The following SNCAIP variants were observed in gnomAD, a reference collection of about 807,000 sequenced individuals.
The protein encoded by SNCAIP is synuclein alpha interacting protein, also known as synphilin-1.
SNCAIP carries 43 observed loss-of-function variants against 86.7 expected under a neutral mutation model. That is an observed-to-expected ratio of 0.50 (90% confidence interval 0.39 to 0.64). The LOEUF (loss-of-function observed/expected upper bound fraction) is 0.64. Ranked by LOEUF, SNCAIP falls within the 30% of genes least tolerant of loss-of-function variation. The pLI is 0.00. For missense variants in SNCAIP, 981 were observed against 1,103.1 expected (o/e 0.89, Z 1.57); for synonymous variants, 417 against 427.2 (o/e 0.98, Z 0.29).
intron 1 of SNCAIP, among the ~76,000 whole-genome samples, chr5:122,353,699 A>G (rs1000982939): frequency 2.0e-5 from 3 of 152,222 alleles, no homozygotes; most frequent in Non-Finnish European, 4.4e-5. Flanking sequence ...CCCGCCATCC[A>G]TGAAAGACAT....
At chr5:122,325,456 A>G (rs1359268577) in intron 1 of SNCAIP, among the ~76,000 whole-genome samples, 1 of 152,142 alleles carries the variant, frequency 6.6e-6, no homozygotes, top group Non-Finnish European at 1.5e-5. Context: ...TGCCCTCCCC[A>G]AGCAACTTTA....
chr5:122,351,582 A>G (rs1759861779), intron 1 of SNCAIP, among the ~76,000 whole-genome samples: 1 of 147,146 alleles, frequency 6.8e-6, no homozygotes, highest in Non-Finnish European at 1.5e-5. Context: ...AATTAAAGAC[A>G]TGTTATTCTT....
intron 5 of SNCAIP, among the ~76,000 whole-genome samples, chr5:122,428,839 G>A (rs948248886): frequency 7.9e-5 from 12 of 151,770 alleles, no homozygotes; most frequent in African/African-American, 4.8e-5. Flanking sequence ...GAGAACATGC[G>A]GTGTTTGGTT....
intron 1 of SNCAIP, among the ~76,000 whole-genome samples, chr5:122,325,499 C>G (rs1426358283): frequency 1.3e-5 from 2 of 152,198 alleles, no homozygotes; most frequent in East Asian, 3.9e-4. Context: ...GTCTTACTAG[C>G]TCAGAGTACT....
chr5:122,404,531 A>G (rs1772550345), intron 3 of SNCAIP, among the ~76,000 whole-genome samples: 1 of 152,154 alleles, frequency 6.6e-6, no homozygotes, highest in South Asian at 2.1e-4. Context: ...ATGGGCAAAA[A>G]TGAAAATAAA....
intron 1 of SNCAIP, among the ~76,000 whole-genome samples, chr5:122,337,385 G>T (rs944432340): frequency 6.6e-6 from 1 of 151,924 alleles, no homozygotes; most frequent in Non-Finnish European, 1.5e-5. Flanking sequence ...AACTTCCAAG[G>T]CCTTCTTGAT....
intron 1 of SNCAIP, among the ~76,000 whole-genome samples, chr5:122,356,445 C>T (rs1049017707): frequency 2.6e-5 from 4 of 152,144 alleles, no homozygotes; most frequent in Admixed American, 2.0e-4. Flanking sequence ...GATCATTACT[C>T]AGTTTATATA....
chr5:122,397,990 T>G (rs971842142), intron 2 of SNCAIP, among the ~76,000 whole-genome samples: 2 of 152,122 alleles, frequency 1.3e-5, no homozygotes, highest in African/African-American at 4.8e-5. Context: ...ATTTTCCAGT[T>G]AAGACCCCCT....
At chr5:122,376,790 A>G (rs1765412999) in intron 1 of SNCAIP, among the ~76,000 whole-genome samples, 1 of 152,284 alleles carries the variant, frequency 6.6e-6, no homozygotes, top group South Asian at 2.1e-4. Context: ...TTCAACAGAG[A>G]TGGTCATGGC....
At chr5:122,340,563 G>A (rs1324034751) in intron 1 of SNCAIP, among the ~76,000 whole-genome samples, 1 of 152,144 alleles carries the variant, frequency 6.6e-6, no homozygotes, top group Non-Finnish European at 1.5e-5. Flanking sequence ...AAAAACCATT[G>A]AGTAGTGTCA....
rs74946884 is a variant in SNCAIP, at chr5:122,422,210, A to G, written c.131-658A>G. Among the ~76,000 whole-genome samples, 565 of 152,266 alleles carry G rather than the reference A, an allele frequency of 3.7e-3. 14 individuals carry two copies. The East Asian group carries it at 0.039, about 10-fold the overall frequency. ...AAATGTTGCTGCATGATAGTTGACC[A>G]GGGTACTTTGACCAAGGTGGGGTTA... On this transcript the variant is annotated intron_variant, in intron 3 of 10. Coordinates refer to ENST00000261368, the MANE Select transcript of SNCAIP (RefSeq NM_005460.4).
intron 1 of SNCAIP, among the ~76,000 whole-genome samples, chr5:122,324,935 T>G (rs1033185866): frequency 6.6e-6 from 1 of 152,146 alleles, no homozygotes; most frequent in African/African-American, 2.4e-5. Context: ...TAACATGGGA[T>G]CGAGGTGGTG....
At chr5:122,346,564 A>G (rs1758652065) in intron 1 of SNCAIP, among the ~76,000 whole-genome samples, 2 of 152,024 alleles carry the variant, frequency 1.3e-5, no homozygotes, top group Admixed American at 6.6e-5. Context: ...TCTTTATTCA[A>G]GGAGAAGACA....
At chr5:122,446,757 TA>T (rs1222756068) in intron 8 of SNCAIP, among the ~76,000 whole-genome samples, 1 of 152,120 alleles carries the variant, frequency 6.6e-6, no homozygotes, top group Non-Finnish European at 1.5e-5. Flanking sequence ...ACCAATAACA[TA>T]GACAAGGACA....
At chr5:122,358,585 CTG>C (rs1482009178) in intron 1 of SNCAIP, among the ~76,000 whole-genome samples, 2 of 152,094 alleles carry the variant, frequency 1.3e-5, no homozygotes, top group Non-Finnish European at 2.9e-5. Context: ...TCTGTATCCA[CTG>C]TGTATGCACA....
At position 122,444,596 on chromosome 5, in the gene SNCAIP, C is replaced by G. The variant is rs1320699752; in HGVS notation, c.1456C>G (p.Gln486Glu). The G allele has an allele frequency of 6.2e-7, 1 of 1,614,144 alleles. No homozygotes were observed. The highest frequency in any genetic ancestry group is 8.5e-7 in the Non-Finnish European group (1 of 1,180,000). Residue 486 changes from glutamine to glutamate, a missense_variant, in exon 8 of 11, where the codon CAG becomes GAG. Physicochemically the swap from Gln to Glu is conservative, Grantham distance 29. Transcript: ENST00000261368. ...LVEYGANVTM[Q>E]NHAGEKPSQS... ...TGAATATGGAGCAAATGTCACCATG[C>G]AGAACCACGCTGGGGAAAAGCCCTC...
chr5:122,403,078 C>T (rs1772167052), intron 2 of SNCAIP, among the ~76,000 whole-genome samples: 1 of 152,128 alleles, frequency 6.6e-6, no homozygotes, highest in African/African-American at 2.4e-5. Flanking sequence ...TGTTTTAGCT[C>T]TTCCAATTGT....
At chr5:122,418,937 A>T (rs1479657878) in intron 3 of SNCAIP, among the ~76,000 whole-genome samples, 9 of 152,136 alleles carry the variant, frequency 5.9e-5, no homozygotes, top group African/African-American at 2.2e-4. Flanking sequence ...GTGGGAGAGG[A>T]TGCCAGTGTG....
intron 10 of SNCAIP, among the ~76,000 whole-genome samples, chr5:122,459,599 T>C (rs1404316115): frequency 6.6e-6 from 1 of 152,206 alleles, no homozygotes; most frequent in African/African-American, 2.4e-5. Context: ...GTTAATATTT[T>C]ACTTGGTACA....
Sources: allele counts gnomAD v4.1 joint callset (sites outside exome capture counted in the v4.1 genomes callset), GRCh38; gene constraint gnomAD v4.1.1; transcripts MANE v1.5; gene names NCBI Gene and HGNC (gene_info 2026-07-23, HGNC 2026-07-21).